Variants in MAB21L3 observed in about 807,000 individuals in gnomAD.
The protein encoded by MAB21L3 is protein mab-21-like 3.
Under a neutral mutation model 37.7 loss-of-function variants are expected in MAB21L3, and 36 were observed. That is an observed-to-expected ratio of 0.96 (90% CI 0.73 to 1.26). The LOEUF is 1.26. Ranked by LOEUF, MAB21L3 falls within the 50% of genes most tolerant of loss-of-function variation. The pLI is 0.00. For synonymous variants in MAB21L3, 186 were observed against 176.8 expected, an observed-to-expected ratio of 1.05 and a Z score of -0.41; for missense variants, 430 against 447.3, an observed-to-expected ratio of 0.96 and a Z score of 0.35.
chr1:116,124,189 C>A lies in MAB21L3; in HGVS notation c.313C>A (p.Arg105=), dbSNP rs536017398. 3 of 1,614,052 alleles carry A rather than the reference C, an allele frequency of 1.9e-6. No individual in the cohort carries two copies. Among genetic ancestry groups the A allele is most frequent in the Non-Finnish European group, 1.7e-6 (2 of 1,180,040 alleles). The change falls in exon 5 of 8, where the codon CGG becomes AGG. Residue 105 remains arginine, a synonymous_variant. Coordinates refer to ENST00000369500, the MANE Select transcript of MAB21L3 (RefSeq NM_152367.3). The part of the protein sequence containing the change: ...LQGTRLPCPL[R]DPEGLQQWLE... ...GGGCACCAGGCTGCCCTGCCCGTTG[C>A]GGGACCCTGAGGGTCTGCAGCAGTG...
rs1315668773 is a variant in MAB21L3 at position 116,118,211 on chromosome 1, G to A, written c.49-2721G>A. Reference sequence around the variant, plus strand: ...ATCCTAGCTAACATGGTGAAACCCCGTCTCTACTAAAAATACAAAAATTAG... The same window carrying A: ...ATCCTAGCTAACATGGTGAAACCCCATCTCTACTAAAAATACAAAAATTAG... On this transcript the variant is annotated intron_variant, in intron 3 of 7. Transcript: ENST00000369500. Among the ~76,000 whole-genome samples the A allele has an allele frequency of 2.0e-5, 3 of 151,972 alleles. No homozygotes were observed. In the East Asian group the frequency reaches 5.8e-4, roughly 29 times the overall value.
chr1:116,121,027 A>G lies in MAB21L3; in HGVS notation c.144A>G (p.Arg48=). ...LTTNISNQDI[R]FQAVPYSDTY... ...CAAACATCAGCAACCAAGACATTAG[A>G]TTTCAAGCTGTGCCTTACTCTGACA... The change falls in exon 4 of 8, where the codon AGA becomes AGG. Residue 48 remains arginine, a synonymous_variant. Transcript: ENST00000369500. The G allele has an allele frequency of 6.2e-7, 1 of 1,614,088 alleles. No individual in the cohort carries two copies. The highest frequency in any genetic ancestry group is 8.5e-7 in the Non-Finnish European group (1 of 1,179,968).
rs767517108 is a variant in MAB21L3 at position 116,133,376 on chromosome 1, G to A, written c.*11G>A. On this transcript the variant is annotated 3_prime_UTR_variant, in exon 8 of 8. Transcript: ENST00000369500. Reference sequence around the variant, plus strand: ...ATCGGCCCGCCCTGATGGTTGCCCCGGCCTGGGAGGCTCTTGGACATTTTA... The same window carrying A: ...ATCGGCCCGCCCTGATGGTTGCCCCAGCCTGGGAGGCTCTTGGACATTTTA... 252 of 1,606,616 alleles carry A rather than the reference G, an allele frequency of 1.6e-4. 1 individual carries two copies. The highest frequency in any genetic ancestry group is 6.6e-4 in the Middle Eastern group (4 of 6,068).
chr1:116,128,774 G>A (rs929957436), intron 7 of MAB21L3, among the ~76,000 whole-genome samples: 16 of 152,034 alleles, frequency 1.1e-4, no homozygotes, highest in African/African-American at 3.4e-4. Context: ...TGCAGCCTAC[G>A]CACACCTCCT....
Position 116,135,813 on chromosome 1 carries a change from G to C in MAB21L3, c.*2448G>C, listed in dbSNP as rs1311178027. 6.6e-6 allele frequency among the ~76,000 whole-genome samples: 1 copy of C among 150,708 alleles called. No individual in the cohort carries two copies. Among genetic ancestry groups the C allele is most frequent in the Non-Finnish European group, 1.5e-5 (1 of 67,268 alleles). On this transcript the variant is annotated 3_prime_UTR_variant, in exon 8 of 8. Transcript: ENST00000369500. The stretch of plus-strand genomic sequence containing the variant: ...GTGGGCTTCATCCCTGGGATGCAAG[G>C]CTGGTTCAATATACGCAAATCAATA...
At chr1:116,115,995 T>A (rs928743183) in intron 3 of MAB21L3, among the ~76,000 whole-genome samples, 5 of 152,196 alleles carry the variant, frequency 3.3e-5, no homozygotes, top group African/African-American at 1.2e-4. Context: ...TCTTGCTGGC[T>A]TCCTAAAGTT....
rs1181175103 is a variant in MAB21L3, at chr1:116,134,152, T to A, written c.*787T>A. 1 of 152,354 alleles carries A rather than the reference T, an allele frequency of 6.6e-6. No individual in the cohort carries two copies. Among genetic ancestry groups the A allele is most frequent in the Non-Finnish European group, 1.5e-5 (1 of 68,162 alleles). 9.4% of individuals were successfully genotyped at this position (152,354 alleles called of 1,614,324 possible). On this transcript the variant is annotated 3_prime_UTR_variant, in exon 8 of 8. Coordinates refer to ENST00000369500, the MANE Select transcript of MAB21L3 (RefSeq NM_152367.3). ...TCCCAACCATAGCCCTCTCTTTGCT[T>A]CCCATGCCATGGGCCATGGATGGAA... is the stretch of plus-strand genomic sequence containing the variant.
At chr1:116,117,519 G>T (rs1659626865) in intron 3 of MAB21L3, among the ~76,000 whole-genome samples, 1 of 151,794 alleles carries the variant, frequency 6.6e-6, no homozygotes, top group South Asian at 2.1e-4. Flanking sequence ...TCCATCTCTT[G>T]CCCAGCAAAC....
At position 116,128,071 on chromosome 1, in the gene MAB21L3, C is replaced by G. The variant is rs982473204; in HGVS notation, c.661-74C>G. 5 of 1,482,796 alleles carry G rather than the reference C, an allele frequency of 3.4e-6. No individual in the cohort carries two copies. In the African/African-American group the frequency reaches 7.0e-5, roughly 21 times the overall value. 91.9% of individuals were successfully genotyped at this position (1,482,796 alleles called of 1,614,324 possible). A position where few individuals can be genotyped will look rare whatever the true frequency, so the allele number is the denominator to read the frequency against. ...GTGACAAGTTCCCCAGACCAGCAGA[C>G]TGCTTCAGAAATGGCTTTCTACACC... On this transcript the variant is annotated intron_variant, in intron 6 of 7. Transcript: ENST00000369500.
chr1:116,124,210 C>T lies in MAB21L3; in HGVS notation c.334C>T (p.Gln112Ter). ...CPLRDPEGLQQWLEVEQFMKS... is the reference protein window; with the variant it reads ...CPLRDPEGLQ The stretch of plus-strand genomic sequence containing the variant: ...GTTGCGGGACCCTGAGGGTCTGCAG[C>T]AGTGGCTGGAGGTGGAACAGTTTAT... Residue 112 changes from glutamine to a stop codon, truncating the protein, a stop_gained, in exon 5 of 8, where the codon CAG becomes TAG. Coordinates refer to ENST00000369500, the MANE Select transcript of MAB21L3 (RefSeq NM_152367.3). LOFTEE classifies it high-confidence loss of function. 1 of 1,614,220 alleles carries T rather than the reference C, an allele frequency of 6.2e-7. No individual in the cohort carries two copies. Among genetic ancestry groups the T allele is most frequent in the Non-Finnish European group, 8.5e-7 (1 of 1,180,040 alleles).
chr1:116,128,472 G>A, intron 7 of MAB21L3, 133 bp downstream of exon 7: 1 of 794,792 alleles, frequency 1.3e-6, no homozygotes, highest in Non-Finnish European at 1.9e-6. Flanking sequence ...TGAGGTTCTA[G>A]TATCTATATT....
In MAB21L3 at chr1:116,111,455, T is replaced by C. The variant is rs904225137; in HGVS notation, c.-447T>C. Among the ~76,000 whole-genome samples, 1 of 152,176 alleles carries C rather than the reference T, an allele frequency of 6.6e-6. No individual in the cohort carries two copies. The highest frequency in any genetic ancestry group is 1.5e-5 in the Non-Finnish European group (1 of 68,028). On this transcript the variant is annotated 5_prime_UTR_variant, in exon 1 of 8. Transcript: ENST00000369500. ...GCCCCAAATAGTGCAGTGGCCTTTG[T>C]GGGCAGCACTTACAGGTGGGCTTGG...
At chr1:116,117,514 C>A (rs1043715530) in intron 3 of MAB21L3, among the ~76,000 whole-genome samples, 18 of 152,078 alleles carry the variant, frequency 1.2e-4, no homozygotes, top group African/African-American at 4.1e-4. Flanking sequence ...CTTTATCCAT[C>A]TCTTGCCCAG....
intron 3 of MAB21L3, among the ~76,000 whole-genome samples, chr1:116,120,390 G>T (rs1659706320): frequency 7.9e-6 from 1 of 125,956 alleles, no homozygotes; most frequent in Non-Finnish European, 1.5e-5. Context: ...TATCATACTT[G>T]ATATTACATT....
Position 116,135,657 on chromosome 1 carries a change from C to T in MAB21L3, c.*2292C>T, listed in dbSNP as rs943189770. ...GCCAGCATCATCCTGATACCAAAGC[C>T]GGGCAGAGACACAACTAAAAAAGAG... On this transcript the variant is annotated 3_prime_UTR_variant, in exon 8 of 8. Transcript: ENST00000369500. Among the ~76,000 whole-genome samples the T allele has an allele frequency of 3.9e-5, 6 of 152,188 alleles. No individual in the cohort carries two copies. Among genetic ancestry groups the T allele is most frequent in the South Asian group, 4.1e-4 (2 of 4,830 alleles).
At chr1:116,131,227 G>A (rs1419700611) in intron 7 of MAB21L3, among the ~76,000 whole-genome samples, 1 of 152,224 alleles carries the variant, frequency 6.6e-6, no homozygotes, top group Non-Finnish European at 1.5e-5. Context: ...CTTATGAGAA[G>A]TACATGACTA....
intron 4 of MAB21L3, among the ~76,000 whole-genome samples, chr1:116,122,605 G>A (rs1047620114): frequency 2.6e-5 from 4 of 152,196 alleles, no homozygotes; most frequent in Non-Finnish European, 4.4e-5. Flanking sequence ...CTGTCACCCA[G>A]GCCGGAGTGC....
chr1:116,112,529 T>G lies in MAB21L3; in HGVS notation c.-87T>G. 1.7e-6 allele frequency: 2 copies of G among 1,193,856 alleles called. No individual in the cohort carries two copies. Among genetic ancestry groups the G allele is most frequent in the Admixed American group, 1.8e-5 (1 of 54,910 alleles). 74.0% of individuals were successfully genotyped at this position (1,193,856 alleles called of 1,614,324 possible). ...ACCCAGAGACTCACATTACTGGGAGTGCTATCTACTCACAAGTGTTGCACT... is the reference window on the plus strand; with the variant it reads ...ACCCAGAGACTCACATTACTGGGAGGGCTATCTACTCACAAGTGTTGCACT... On this transcript the variant is annotated 5_prime_UTR_variant, in exon 3 of 8. Coordinates refer to ENST00000369500, the MANE Select transcript of MAB21L3 (RefSeq NM_152367.3).
intron 3 of MAB21L3, among the ~76,000 whole-genome samples, chr1:116,116,063 G>C (rs931668646): frequency 6.6e-6 from 1 of 152,204 alleles, no homozygotes; most frequent in Non-Finnish European, 1.5e-5. Flanking sequence ...ACTTGTGTTA[G>C]AGCCTCCTTC....
Sources: gnomAD v4.1 joint callset for allele counts (sites outside exome capture counted in the v4.1 genomes callset) on GRCh38, gnomAD v4.1.1 for gene constraint, MANE v1.5 for transcripts, NCBI Gene and HGNC (gene_info 2026-07-23, HGNC 2026-07-21) for gene names.